The following TSHZ2 variants were observed in gnomAD, a reference collection of about 807,000 sequenced individuals.
TSHZ2 encodes teashirt homolog 2.
TSHZ2 carries 21 observed loss-of-function variants against 74.4 expected under a neutral mutation model. The observed-to-expected ratio is 0.28, with a 90% CI of 0.20 to 0.41. The LOEUF (loss-of-function observed/expected upper bound fraction) is 0.41. Ranked by LOEUF, TSHZ2 falls within the 10% of genes least tolerant of loss-of-function variation. TSHZ2 has a pLI of 1.00. For missense variants in TSHZ2, 1,244 were observed against 1,293.5 expected (o/e 0.96, Z 0.59); for synonymous variants, 540 against 515.3 (o/e 1.05, Z -0.65).
intron 1 of TSHZ2, among the ~76,000 whole-genome samples, chr20:53,129,341 A>T (rs1168214214): frequency 6.6e-6 from 1 of 152,152 alleles, no homozygotes; most frequent in Non-Finnish European, 1.5e-5. Flanking sequence ...GTTTTGATCT[A>T]GGCATACAGG....
rs868539987 is a variant in TSHZ2 at position 53,111,823 on chromosome 20, A to G, written c.40+138490A>G. Among the ~76,000 whole-genome samples, 5 of 150,614 alleles carry G rather than the reference A, an allele frequency of 3.3e-5. No individual in the cohort carries two copies. The Middle Eastern group carries it at 0.01, about 307-fold the overall frequency. On this transcript the variant is annotated intron_variant, in intron 1 of 2. Transcript: ENST00000371497. ...TTCCCTCAGGCCCCCACCTTAACTC[A>G]GGGTTGTGGGATGACCCCCAGAGAT...
chr20:53,091,936 C>G (rs1309081277), intron 1 of TSHZ2, among the ~76,000 whole-genome samples: 1 of 152,164 alleles, frequency 6.6e-6, no homozygotes, highest in Non-Finnish European at 1.5e-5. Context: ...GTACCAGCTA[C>G]TAGAGAGGCT....
intron 2 of TSHZ2, among the ~76,000 whole-genome samples, chr20:53,378,153 A>G (rs1200342022): frequency 6.6e-6 from 1 of 152,088 alleles, no homozygotes; most frequent in African/African-American, 2.4e-5. Context: ...CAGCCTGGCC[A>G]ACATGGTGAA....
chr20:53,365,530 C>A (rs913569131), intron 2 of TSHZ2, among the ~76,000 whole-genome samples: 1 of 152,118 alleles, frequency 6.6e-6, no homozygotes, highest in Non-Finnish European at 1.5e-5. Flanking sequence ...TGGAAACTGA[C>A]CAATACCTTA....
chr20:53,238,310 G>C (rs1353855868), intron 1 of TSHZ2, among the ~76,000 whole-genome samples: 1 of 152,152 alleles, frequency 6.6e-6, no homozygotes, highest in Non-Finnish European at 1.5e-5. Context: ...CAAGGAATTT[G>C]TTGGGAGGAA....
chr20:52,988,067 A>G (rs1981837644), intron 1 of TSHZ2, among the ~76,000 whole-genome samples: 1 of 151,918 alleles, frequency 6.6e-6, no homozygotes, highest in South Asian at 2.1e-4. Context: ...CCTTTCCTGA[A>G]TCAGACTTCC....
chr20:53,346,449 T>G (rs1342379851), intron 2 of TSHZ2, among the ~76,000 whole-genome samples: 1 of 152,236 alleles, frequency 6.6e-6, no homozygotes, highest in Non-Finnish European at 1.5e-5. Flanking sequence ...ACGGCTTGTC[T>G]GACCTACTGA....
intron 1 of TSHZ2, among the ~76,000 whole-genome samples, chr20:53,160,800 G>A (rs1326956403): frequency 3.3e-5 from 5 of 150,120 alleles, no homozygotes; most frequent in Non-Finnish European, 1.5e-5. Context: ...GAACCATGTG[G>A]CAAACTACAC....
In TSHZ2 at chr20:53,148,652, T is replaced by G. The variant is rs537888716; in HGVS notation, c.41-104847T>G. Among the ~76,000 whole-genome samples, 860 of 151,802 alleles carry G rather than the reference T, an allele frequency of 5.7e-3. 4 individuals carry two copies. Among genetic ancestry groups the G allele is most frequent in the Middle Eastern group, 0.02 (6 of 294 alleles). ...CATTCAATATGTATGGATCATGGGG[T>G]GGGGGTTGATACAAAATAGAAAAAA... On this transcript the variant is annotated intron_variant, in intron 1 of 2. Coordinates refer to ENST00000371497, the MANE Select transcript of TSHZ2 (RefSeq NM_173485.6).
chr20:53,147,927 G>A (rs1179167137), intron 1 of TSHZ2, among the ~76,000 whole-genome samples: 1 of 152,162 alleles, frequency 6.6e-6, no homozygotes, highest in African/African-American at 2.4e-5. Flanking sequence ...ATGTTGGTCA[G>A]GCTGGTTTGA....
chr20:52,974,130 T>C (rs561007807), intron 1 of TSHZ2, among the ~76,000 whole-genome samples: 3 of 152,184 alleles, frequency 2.0e-5, no homozygotes, highest in South Asian at 2.1e-4. Context: ...CTTCTAAAGT[T>C]TTTTTTTCTT....
chr20:53,033,367 C>G (rs568495914), intron 1 of TSHZ2, among the ~76,000 whole-genome samples: 129 of 152,220 alleles, frequency 8.5e-4, no homozygotes, highest in Non-Finnish European at 1.6e-3. Context: ...ATGCCAGTGT[C>G]AATGTGTGAT....
chr20:53,136,376 C>T (rs550726123), intron 1 of TSHZ2, among the ~76,000 whole-genome samples: 7 of 152,224 alleles, frequency 4.6e-5, no homozygotes, highest in South Asian at 2.1e-4. Flanking sequence ...ACCAAGGGAT[C>T]GAAGAGCTAG....
chr20:53,125,454 C>G (rs1010475672), intron 1 of TSHZ2, among the ~76,000 whole-genome samples: 1 of 152,110 alleles, frequency 6.6e-6, no homozygotes, highest in African/African-American at 2.4e-5. Flanking sequence ...GCCTGTGAAG[C>G]TTTTAGAACA....
At chr20:53,226,318 C>A (rs935924927) in intron 1 of TSHZ2, among the ~76,000 whole-genome samples, 1 of 152,164 alleles carries the variant, frequency 6.6e-6, no homozygotes, top group Non-Finnish European at 1.5e-5. Context: ...AAAAATATTT[C>A]CCCTGCACAG....
chr20:53,080,890 A>G (rs1312464429), intron 1 of TSHZ2, among the ~76,000 whole-genome samples: 2 of 152,178 alleles, frequency 1.3e-5, no homozygotes, highest in African/African-American at 2.4e-5. Context: ...TGAATTTGAC[A>G]CCAGTTTAAT....
chr20:53,112,074 A>G (rs1031313439), intron 1 of TSHZ2, among the ~76,000 whole-genome samples: 1 of 152,168 alleles, frequency 6.6e-6, no homozygotes, highest in African/African-American at 2.4e-5. Context: ...TCCCTCACCT[A>G]TATGACCCAG....
At chr20:53,268,348 A>T (rs971646160) in intron 2 of TSHZ2, among the ~76,000 whole-genome samples, 6 of 152,182 alleles carry the variant, frequency 3.9e-5, no homozygotes, top group Non-Finnish European at 7.3e-5. Flanking sequence ...TTTATAATTG[A>T]GAAATTCAGA....
chr20:53,393,271 C>T (rs1982327607), intron 2 of TSHZ2, among the ~76,000 whole-genome samples: 1 of 152,182 alleles, frequency 6.6e-6, no homozygotes, highest in African/African-American at 2.4e-5. Context: ...ATTTGGTTCC[C>T]TTGTTCCTGC....
Sources: allele counts gnomAD v4.1 joint callset (sites outside exome capture counted in the v4.1 genomes callset), GRCh38; gene constraint gnomAD v4.1.1; transcripts MANE v1.5; gene names NCBI Gene and HGNC (gene_info 2026-07-23, HGNC 2026-07-21).